Variants in CNTN1 observed in about 807,000 individuals in gnomAD.
CNTN1 encodes contactin 1, also known as contactin-1.
CNTN1 carries 38 observed loss-of-function variants against 126.4 expected under a neutral mutation model. That is an observed-to-expected ratio of 0.30 (90% CI 0.23 to 0.39). The LOEUF (loss-of-function observed/expected upper bound fraction) is 0.39. Among genes scored for constraint, CNTN1 ranks in the 10% least tolerant of loss-of-function variants. The pLI is 1.00. For synonymous variants in CNTN1, 413 were observed against 422.6 expected (o/e 0.98, Z 0.28); for missense variants, 1,009 against 1,248.4 (o/e 0.81, Z 2.89).
intron 16 of CNTN1, 24 bp from the exon 17 acceptor site, chr12:40,993,096 C>T (rs1208492878): frequency 7.5e-6 from 12 of 1,600,136 alleles, no homozygotes; most frequent in African/African-American, 1.3e-5. Context: ...CCTGTATTCT[C>T]TATTTACTAT....
intron 1 of CNTN1, among the ~76,000 whole-genome samples, chr12:40,722,868 T>G (rs1592012818): frequency 6.6e-6 from 1 of 152,186 alleles, no homozygotes; most frequent in East Asian, 1.9e-4. Context: ...GGCAGTAAAA[T>G]TTTCATGAGA....
At chr12:40,811,849 G>C (rs1450903458) in intron 1 of CNTN1, among the ~76,000 whole-genome samples, 1 of 145,236 alleles carries the variant, frequency 6.9e-6, no homozygotes, top group Non-Finnish European at 1.5e-5. Context: ...AACTCTTAGT[G>C]TCATTGACAT....
chr12:41,042,484 G>A (rs893391401), intron 23 of CNTN1, among the ~76,000 whole-genome samples: 1 of 152,024 alleles, frequency 6.6e-6, no homozygotes, highest in East Asian at 1.9e-4. Context: ...TTGACTTTCT[G>A]TCTCGTTGAT....
chr12:40,906,041 C>T (rs12423197), intron 1 of CNTN1, among the ~76,000 whole-genome samples: 63,228 of 152,092 alleles, frequency 0.42, 13,473 homozygotes, highest in African/African-American at 0.51. Flanking sequence ...TTTGGGAGGC[C>T]GAGGCGGGCG....
intron 23 of CNTN1, among the ~76,000 whole-genome samples, chr12:41,031,947 C>T (rs1354686673): frequency 1.3e-5 from 2 of 151,948 alleles, no homozygotes; most frequent in Non-Finnish European, 2.9e-5. Context: ...ACTCTTAGTA[C>T]TTTCTTTTGG....
intron 1 of CNTN1, among the ~76,000 whole-genome samples, chr12:40,743,834 T>C (rs1344175556): frequency 6.6e-6 from 1 of 152,168 alleles, no homozygotes; most frequent in African/African-American, 2.4e-5. Flanking sequence ...CAATTGCTTT[T>C]GATGTTTTCA....
chr12:40,817,144 C>A (rs1565779035), intron 1 of CNTN1, among the ~76,000 whole-genome samples: 1 of 152,156 alleles, frequency 6.6e-6, no homozygotes, highest in Non-Finnish European at 1.5e-5. Context: ...GTAGGGAGAT[C>A]CATAGATGTC....
chr12:40,715,618 T>G (rs761521659), intron 1 of CNTN1, among the ~76,000 whole-genome samples: 5 of 152,142 alleles, frequency 3.3e-5, no homozygotes, highest in Non-Finnish European at 7.4e-5. Flanking sequence ...TGTTAGGGTC[T>G]CAAGTTTTTA....
intron 1 of CNTN1, among the ~76,000 whole-genome samples, chr12:40,765,763 ATT>A: frequency 6.6e-6 from 1 of 152,358 alleles, no homozygotes; most frequent in African/African-American, 2.4e-5. Context: ...AATTTAAAAC[ATT>A]GTTTAATTCT....
intron 15 of CNTN1, chr12:40,972,422 G>C (rs1315979739): frequency 2.9e-5 from 29 of 983,340 alleles, no homozygotes; most frequent in Admixed American, 1.9e-4. Flanking sequence ...AAATAATTTT[G>C]ATTTTCTTAG....
At chr12:40,965,191 A>G (rs537491008) in intron 15 of CNTN1, among the ~76,000 whole-genome samples, 11 of 152,224 alleles carry the variant, frequency 7.2e-5, no homozygotes, top group African/African-American at 1.9e-4. Context: ...TGAAAATACA[A>G]TTTTAAATGT....
Position 41,040,242 on chromosome 12 carries a change from C to A in CNTN1, c.2980+11023C>A, listed in dbSNP as rs915722806. ...GTCTTTCCTTAAACTAGTTAAATAT[C>A]ATTTCTATAATTGCTCAAAGCGATC... On this transcript the variant is annotated intron_variant, in intron 23 of 23. Coordinates refer to ENST00000551295, the MANE Select transcript of CNTN1 (RefSeq NM_001843.4). Among the ~76,000 whole-genome samples the A allele has an allele frequency of 3.3e-5, 5 of 152,230 alleles. No individual in the cohort carries two copies. In the South Asian group the frequency reaches 6.2e-4, roughly 19 times the overall value.
intron 1 of CNTN1, among the ~76,000 whole-genome samples, chr12:40,871,015 G>A (rs1236925926): frequency 6.6e-6 from 1 of 150,784 alleles, no homozygotes; most frequent in African/African-American, 2.5e-5. Context: ...AGAGAGATGA[G>A]TGAGGATTCT....
At chr12:40,923,825 A>C (rs1945536529) in intron 5 of CNTN1, among the ~76,000 whole-genome samples, 1 of 152,146 alleles carries the variant, frequency 6.6e-6, no homozygotes, top group Admixed American at 6.5e-5. Flanking sequence ...AGCATAGATG[A>C]ATTTTCAGAG....
intron 20 of CNTN1, among the ~76,000 whole-genome samples, chr12:41,023,748 A>G (rs1948978050): frequency 6.6e-6 from 1 of 152,226 alleles, no homozygotes; most frequent in Admixed American, 6.6e-5. Context: ...GTGAGCCGAA[A>G]CTGATTACTT....
intron 14 of CNTN1, among the ~76,000 whole-genome samples, chr12:40,957,290 AG>A (rs1290693967): frequency 6.6e-6 from 1 of 152,056 alleles, no homozygotes; most frequent in East Asian, 1.9e-4. Flanking sequence ...AGAAGAGAGA[AG>A]TAAGAGATTG....
intron 1 of CNTN1, among the ~76,000 whole-genome samples, chr12:40,762,918 C>G (rs912119170): frequency 5.9e-5 from 9 of 152,058 alleles, no homozygotes; most frequent in Non-Finnish European, 1.0e-4. Context: ...AAATCTGGTC[C>G]CCAGTGTTGG....
At chr12:40,858,724 A>G (rs186881596) in intron 1 of CNTN1, among the ~76,000 whole-genome samples, 1 of 152,198 alleles carries the variant, frequency 6.6e-6, no homozygotes, top group Non-Finnish European at 1.5e-5. Flanking sequence ...CAGGGAATCA[A>G]CCCAAATCCT....
intron 1 of CNTN1, among the ~76,000 whole-genome samples, chr12:40,701,051 A>G (rs1941581842): frequency 6.6e-6 from 1 of 152,206 alleles, no homozygotes; most frequent in Non-Finnish European, 1.5e-5. Flanking sequence ...TTGCTGTGTT[A>G]TTCAGCACCA....
Sources: allele counts gnomAD v4.1 joint callset (sites outside exome capture counted in the v4.1 genomes callset), GRCh38; gene constraint gnomAD v4.1.1; transcripts MANE v1.5; gene names NCBI Gene and HGNC (gene_info 2026-07-23, HGNC 2026-07-21).